C11orf24: variants seen among roughly 807,000 people sequenced by gnomAD.
The protein encoded by C11orf24 is chromosome 11 open reading frame 24, also known as uncharacterized protein C11orf24.
In C11orf24, 5 loss-of-function variants were observed where a neutral mutation model predicts 7.3. The observed-to-expected ratio is 0.69, with a 90% confidence interval of 0.36 to 1.45. The LOEUF (loss-of-function observed/expected upper bound fraction) is 1.45. C11orf24 is among the 40% of genes most tolerant of loss of function. The pLI is 0.03. For synonymous variants in C11orf24, 233 were observed against 235.7 expected, an observed-to-expected ratio of 0.99 and a Z score of 0.11; for missense variants, 566 against 590.5, an observed-to-expected ratio of 0.96 and a Z score of 0.43.
At position 68,261,391 on chromosome 11, in the gene C11orf24, G is replaced by A; in HGVS notation, c.*254C>T. ...TCAGGCTCCGACACCTGGGGAGACG[G>A]GGTCCTGCCCGCCCCACCCTGAGGT... On this transcript the variant is annotated 3_prime_UTR_variant, in exon 4 of 4. Transcript: ENST00000304271. The A allele has an allele frequency of 2.1e-6, 1 of 467,822 alleles. No individual in the cohort carries two copies. The highest frequency in any genetic ancestry group is 2.8e-5 in the South Asian group (1 of 35,404). 29.0% of individuals were successfully genotyped at this position (467,822 alleles called of 1,614,324 possible).
Position 68,263,775 on chromosome 11 carries a change from G to T in C11orf24, c.-8C>A, listed in dbSNP as rs2098563181. 6.2e-7 allele frequency: 1 copy of T among 1,611,832 alleles called. No homozygotes were observed. The highest frequency in any genetic ancestry group is 8.5e-7 in the Non-Finnish European group (1 of 1,179,472). On this transcript the variant is annotated 5_prime_UTR_variant, in exon 3 of 4. Transcript: ENST00000304271. ...CACAAGAGCTGTCCACATCTTGTGG[G>T]TGAGCTGGGAGCAAGGCTGGGCGGT...
At chr11:68,266,436 C>A (rs146157036) in intron 2 of C11orf24, among the ~76,000 whole-genome samples, 1 of 152,224 alleles carries the variant, frequency 6.6e-6, no homozygotes, top group Non-Finnish European at 1.5e-5. Flanking sequence ...GTGTGTTCCA[C>A]GAGACTTCCG....
intron 2 of C11orf24, chr11:68,266,974 CA>C (rs2098565491): frequency 6.6e-6 from 1 of 152,158 alleles, no homozygotes; most frequent in Non-Finnish European, 1.5e-5. Flanking sequence ...ATCTCTAGGG[CA>C]GGGGTCAGCA....
Position 68,261,617 on chromosome 11 carries a change from C to T in C11orf24, c.*28G>A, listed in dbSNP as rs2098561645. On this transcript the variant is annotated 3_prime_UTR_variant, in exon 4 of 4. Transcript: ENST00000304271. ...CAAAAGGAAAGGACGAGGAAGGGGC[C>T]AGGCCTCCCGCCAGGCCCCCGCCCC... The T allele has an allele frequency of 6.3e-6, 10 of 1,578,282 alleles. No homozygotes were observed. The highest frequency in any genetic ancestry group is 8.6e-6 in the Non-Finnish European group (10 of 1,157,952).
In C11orf24 at chr11:68,263,818, A is replaced by T; in HGVS notation, c.-51T>A. ...TGGGCGGTCCCCGAGGCTCCCAGCC[A>T]GCCAGCTCCTCAGGCTGCTAATGGT... On this transcript the variant is annotated 5_prime_UTR_variant, in exon 3 of 4. Transcript: ENST00000304271. The T allele has an allele frequency of 6.7e-7, 1 of 1,501,940 alleles. No individual in the cohort carries two copies. The highest frequency in any genetic ancestry group is 9.2e-7 in the Non-Finnish European group (1 of 1,088,118). 93.0% of individuals were successfully genotyped at this position (1,501,940 alleles called of 1,614,324 possible).
At position 68,261,341 on chromosome 11, in the gene C11orf24, C is replaced by T. The variant is rs764722246; in HGVS notation, c.*304G>A. ...GCAGGATGCACCCACACGATTGTGG[C>T]GAGCAGTCAGTACTTTAATTCAGGT... On this transcript the variant is annotated 3_prime_UTR_variant, in exon 4 of 4. Transcript: ENST00000304271. 2.4e-5 allele frequency: 8 copies of T among 333,874 alleles called. No homozygotes were observed. The highest frequency in any genetic ancestry group is 8.4e-5 in the African/African-American group (4 of 47,794). 20.7% of individuals were successfully genotyped at this position (333,874 alleles called of 1,614,324 possible).
chr11:68,261,639 C>A lies in C11orf24; in HGVS notation c.*6G>T. 1 of 1,595,616 alleles carries A rather than the reference C, an allele frequency of 6.3e-7. No individual in the cohort carries two copies. The highest frequency in any genetic ancestry group is 8.6e-7 in the Non-Finnish European group (1 of 1,165,636). On this transcript the variant is annotated 3_prime_UTR_variant, in exon 4 of 4. Transcript: ENST00000304271. ...GGCCAGGCCTCCCGCCAGGCCCCCG[C>A]CCCCCTCACATTTCTGAGTCCGCAT... is the stretch of plus-strand genomic sequence containing the variant.
intron 1 of C11orf24, among the ~76,000 whole-genome samples, chr11:68,270,166 G>A (rs919994055): frequency 6.6e-6 from 1 of 152,192 alleles, no homozygotes; most frequent in Non-Finnish European, 1.5e-5. Context: ...AGAGAATTAA[G>A]TTTGTATTAA....
rs2098561645 is a variant in C11orf24 at position 68,261,617 on chromosome 11, C to G, written c.*28G>C. 6.3e-7 allele frequency: 1 copy of G among 1,578,166 alleles called. No individual in the cohort carries two copies. The highest frequency in any genetic ancestry group is 1.1e-5 in the South Asian group (1 of 87,370). Reference sequence around the variant, plus strand: ...CAAAAGGAAAGGACGAGGAAGGGGCCAGGCCTCCCGCCAGGCCCCCGCCCC... The same window carrying G: ...CAAAAGGAAAGGACGAGGAAGGGGCGAGGCCTCCCGCCAGGCCCCCGCCCC... On this transcript the variant is annotated 3_prime_UTR_variant, in exon 4 of 4. Coordinates refer to ENST00000304271, the MANE Select transcript of C11orf24 (RefSeq NM_022338.4).
chr11:68,268,416 G>A (rs896789784), intron 1 of C11orf24, 165 bp from the exon 2 acceptor site: 5 of 152,300 alleles, frequency 3.3e-5, no homozygotes, highest in African/African-American at 4.8e-5. Flanking sequence ...TGCAGGCTGG[G>A]TGCGGTGGCT....
rs140027621 is a variant in C11orf24 at position 68,262,269 on chromosome 11, C to T, written c.726G>A (p.Ala242=). The T allele has an allele frequency of 1.6e-4, 263 of 1,613,192 alleles. No individual in the cohort carries two copies. The African/African-American group carries it at 2.5e-3, about 15-fold the overall frequency. ...SPSKHMPSDT[A]ASPVPPMRPQ... is the part of the protein sequence containing the mutation. ...GACGCATAGGGGGTACAGGGCTTGC[C>T]GCGGTGTCACTGGGCATGTGCTTGG... The change falls in exon 4 of 4, where the codon GCG becomes GCA. Residue 242 remains alanine (A), a synonymous_variant. Coordinates refer to ENST00000304271, the MANE Select transcript of C11orf24 (RefSeq NM_022338.4).
chr11:68,263,933 A>C, intron 2 of C11orf24, 67 bp from the exon 3 acceptor site: 1 of 619,086 alleles, frequency 1.6e-6, no homozygotes, highest in Non-Finnish European at 2.8e-6. Context: ...GCCTGAGAGC[A>C]CCTGCTGTGG....
chr11:68,263,898 C>T (rs752790333), intron 2 of C11orf24, 32 bp from the exon 3 acceptor site: 7 of 717,434 alleles, frequency 9.8e-6, no homozygotes, highest in South Asian at 3.6e-5. Context: ...GGTCAGAAGG[C>T]GTCTGGCCAG....
chr11:68,263,481 A>G, intron 3 of C11orf24: 1 of 560,992 alleles, frequency 1.8e-6, no homozygotes, highest in Non-Finnish European at 3.2e-6. Context: ...CAAACCTTTC[A>G]GGGCTCAGCT....
rs753402773 is a variant in C11orf24, at chr11:68,262,594, G to T, written c.401C>A (p.Thr134Lys). Residue 134 changes from threonine (T) to lysine (K), a missense_variant, in exon 4 of 4, where the codon ACG (threonine) becomes AAG (lysine). Physicochemically the swap from Thr to Lys is moderately conservative, Grantham distance 78. Transcript: ENST00000304271. ...CACAGTTGTACTGGAGGCTGCAGTC[G>T]TGGGAGCACTGGAGGCCACAGTCAT... is the stretch of plus-strand genomic sequence containing the variant. ...SSMTVASSAP[T>K]TAASSTTVAS... 1 of 1,613,812 alleles carries T rather than the reference G, an allele frequency of 6.2e-7. No homozygotes were observed. The highest frequency in any genetic ancestry group is 8.5e-7 in the Non-Finnish European group (1 of 1,179,938).
intron 3 of C11orf24, 22 bp from the exon 4 acceptor site, chr11:68,262,940 AAAAG>A: frequency 6.2e-7 from 1 of 1,604,692 alleles, no homozygotes; most frequent in African/African-American, 1.3e-5. Flanking sequence ...AAAAAGGAGA[AAAAG>A]AGAGACAATC....
chr11:68,268,646 T>C (rs916392415), intron 1 of C11orf24, among the ~76,000 whole-genome samples: 2 of 152,162 alleles, frequency 1.3e-5, no homozygotes, highest in Non-Finnish European at 2.9e-5. Flanking sequence ...GAGCCGAGAT[T>C]GAGCCACTGC....
intron 1 of C11orf24, among the ~76,000 whole-genome samples, chr11:68,268,516 C>T (rs1463360752): frequency 6.6e-6 from 1 of 152,120 alleles, no homozygotes; most frequent in African/African-American, 2.4e-5. Context: ...ATGGTGAAAC[C>T]CCATCTCCAC....
Position 68,261,721 on chromosome 11 carries a change from T to A in C11orf24, c.1274A>T (p.Tyr425Phe), listed in dbSNP as rs1170424867. Reference sequence around the variant, plus strand: ...GTAGTCCTTCTTCTTGTAGCTCTCATAGGCCTGCAGGGCAAACAAAACCAA... The same window carrying A: ...GTAGTCCTTCTTCTTGTAGCTCTCAAAGGCCTGCAGGGCAAACAAAACCAA... ...TVLVLFALQA[Y>F]ESYKKKDYTQ... The change falls in exon 4 of 4, where the codon TAT becomes TTT. Residue 425 changes from tyrosine to phenylalanine, a missense_variant. By Grantham distance (22) the Tyr-to-Phe change is conservative. Transcript: ENST00000304271. 1 of 1,614,062 alleles carries A rather than the reference T, an allele frequency of 6.2e-7. No homozygotes were observed. Among genetic ancestry groups the A allele is most frequent in the Non-Finnish European group, 8.5e-7 (1 of 1,180,046 alleles).
Sources: allele counts gnomAD v4.1 joint callset (sites outside exome capture counted in the v4.1 genomes callset), GRCh38; gene constraint gnomAD v4.1.1; transcripts MANE v1.5; gene names NCBI Gene and HGNC (gene_info 2026-07-23, HGNC 2026-07-21).